The following ZNF219 variants were observed in gnomAD, a reference collection of about 807,000 sequenced individuals.
ZNF219 encodes zinc finger protein 219.
Under a neutral mutation model 54.4 loss-of-function variants are expected in ZNF219, and 17 were observed. That is an observed-to-expected ratio of 0.31 (90% CI 0.21 to 0.47). The LOEUF is 0.47. Among genes scored for constraint, ZNF219 ranks in the 20% least tolerant of loss-of-function variants. ZNF219 has a pLI of 1.00. For missense variants in ZNF219, 1,014 were observed against 1,062.3 expected (o/e 0.95, Z 0.63); for synonymous variants, 518 against 476.4 (o/e 1.09, Z -1.14).
At position 21,093,233 on chromosome 14, in the gene ZNF219, C is replaced by G. The variant is rs776752996; in HGVS notation, c.64G>C (p.Gly22Arg). Reference protein sequence around the residue: ...HLAPSPPAFDGELDLQRYSNG... With the variant: ...HLAPSPPAFDRELDLQRYSNG... ...GAGTATCGCTGCAGATCCAGCTCGCCGTCGAAAGCCGGCGGCGACGGCGCT... is the reference window on the plus strand; with the variant it reads ...GAGTATCGCTGCAGATCCAGCTCGCGGTCGAAAGCCGGCGGCGACGGCGCT... The change falls in exon 3 of 5, where the codon GGC becomes CGC. Residue 22 changes from glycine (G) to arginine (R), a missense_variant. Around this residue, in one of 5 missense-constraint regions of ZNF219, gnomAD observed 395 missense variants for 415.1 expected, o/e 0.95. Transcript: ENST00000360947. 6.2e-7 allele frequency: 1 copy of G among 1,601,676 alleles called. No individual in the cohort carries two copies. Among genetic ancestry groups the G allele is most frequent in the South Asian group, 1.1e-5 (1 of 90,876 alleles).
At chr14:21,101,421 C>A (rs1889623441), upstream of ZNF219, 4 of 1,551,656 alleles carry the variant, frequency 2.6e-6, no homozygotes, top group Non-Finnish European at 2.6e-6. Context: ...GGGCAAGGCA[C>A]AGGCAGAGTG....
Position 21,090,546 on chromosome 14 carries a change from T to C in ZNF219, c.2159A>G (p.Gln720Arg). ...GCCCCTGAGGGCCCACTACCGTTCT[T>C]GCCCCCCCAGCCCTGCCTCTCCGGG... ...SRPGEAGLGG[Q>R]ER Residue 720 changes from glutamine (Q) to arginine (R), a missense_variant, in exon 5 of 5, where the codon CAA (glutamine) becomes CGA (arginine). Physicochemically the swap from Gln to Arg is conservative, Grantham distance 43. Transcript: ENST00000360947. The surrounding 1 kb of genome is among the most constrained non-coding windows in gnomAD (Gnocchi z 4.4). 6.3e-7 allele frequency: 1 copy of C among 1,595,122 alleles called. No homozygotes were observed. The highest frequency in any genetic ancestry group is 8.6e-7 in the Non-Finnish European group (1 of 1,167,866).
chr14:21,102,888 A>G (rs1193159335), upstream of ZNF219: 7 of 1,450,612 alleles, frequency 4.8e-6, no homozygotes, highest in Non-Finnish European at 6.4e-6. Flanking sequence ...GAGAGAAAAG[A>G]AGAGGTCCTA....
chr14:21,103,171 G>T (rs1428356436), upstream of ZNF219: 1 of 1,551,684 alleles, frequency 6.4e-7, no homozygotes, highest in Non-Finnish European at 8.7e-7. Context: ...TTCCTGGTTT[G>T]GAGAATGGTC....
At chr14:21,091,842 G>C in intron 3 of ZNF219, 23 bp downstream of exon 3, 1 of 1,494,968 alleles carries the variant, frequency 6.7e-7, no homozygotes, top group Non-Finnish European at 8.9e-7. Flanking sequence ...GGCGTACCCG[G>C]AGAGCGGAGG....
chr14:21,101,046 C>T, upstream of ZNF219: 2 of 293,668 alleles, frequency 6.8e-6, no homozygotes, highest in East Asian at 8.1e-5. Flanking sequence ...TTCATAGAAA[C>T]CTTTGCCCCA....
chr14:21,094,311 G>A, intron 1 of ZNF219: 7 of 451,750 alleles, frequency 1.5e-5, no homozygotes, highest in South Asian at 1.1e-4. Context: ...AGAGGGAGAG[G>A]GAATGAAGAG....
rs755206602 is a variant in ZNF219, at chr14:21,091,146, G to T, written c.1565-6C>A. ...ACACTTGTAGGGCCGCTCGCCTGGG[G>T]AGAGTGGGTGCGATAGGGTCACGGG... On this transcript the variant is annotated splice_region_variant and splice_polypyrimidine_tract_variant and intron_variant, in intron 4 of 4. Coordinates refer to ENST00000360947, the MANE Select transcript of ZNF219 (RefSeq NM_016423.3). The T allele has an allele frequency of 1.9e-6, 3 of 1,594,704 alleles. No individual in the cohort carries two copies. Among genetic ancestry groups the T allele is most frequent in the African/African-American group, 2.7e-5 (2 of 74,648 alleles).
intron 3 of ZNF219, 146 bp downstream of exon 3, chr14:21,091,719 C>T: frequency 6.9e-7 from 1 of 1,441,408 alleles, no homozygotes; most frequent in Middle Eastern, 2.6e-4. Flanking sequence ...GATGGCAAAG[C>T]CTCCAGGAAA....
upstream of ZNF219, chr14:21,098,676 G>C (rs930865918): frequency 4.2e-5 from 43 of 1,024,078 alleles, no homozygotes; most frequent in Non-Finnish European, 5.0e-5. Flanking sequence ...GTCGGAGGGA[G>C]GGAGGAAGGG....
chr14:21,102,504 G>A, upstream of ZNF219: 1 of 1,551,758 alleles, frequency 6.4e-7, no homozygotes, highest in Admixed American at 2.0e-5. Flanking sequence ...TGCCCCAACT[G>A]CCTCCTCCCA....
At chr14:21,101,061 A>C, upstream of ZNF219, 1 of 315,850 alleles carries the variant, frequency 3.2e-6, no homozygotes, top group Non-Finnish European at 6.1e-6. Context: ...GCCCCACCAC[A>C]CCCCATCCCT....
Position 21,094,228 on chromosome 14 carries a change from G to A in ZNF219, c.-83-554C>T, listed in dbSNP as rs376394244. Among the ~76,000 whole-genome samples, 22 of 152,246 alleles carry A rather than the reference G, an allele frequency of 1.4e-4. No homozygotes were observed. The East Asian group carries it at 3.7e-3, about 25-fold the overall frequency. ...TCATTACAGAGACTCATTCATGCATGGGAGAGAAACACCTCCCAGCAGCAG... is the reference window on the plus strand; with the variant it reads ...TCATTACAGAGACTCATTCATGCATAGGAGAGAAACACCTCCCAGCAGCAG... On this transcript the variant is annotated intron_variant, in intron 1 of 4. Coordinates refer to ENST00000360947, the MANE Select transcript of ZNF219 (RefSeq NM_016423.3).
intron 2 of ZNF219, 48 bp downstream of exon 2, chr14:21,093,538 A>T: frequency 1.9e-6 from 3 of 1,587,870 alleles, no homozygotes; most frequent in Non-Finnish European, 2.6e-6. Context: ...CAGGAGAGGG[A>T]GTATACAGTT....
rs1013265382 is a variant in ZNF219 at position 21,092,269 on chromosome 14, G to A, written c.1028C>T (p.Ala343Val). 1.7e-5 allele frequency: 25 copies of A among 1,481,452 alleles called. No homozygotes were observed. Among genetic ancestry groups the A allele is most frequent in the East Asian group, 1.5e-4 (6 of 40,374 alleles). The allele number at this position is 1,481,452 out of a possible 1,614,324, so 91.8% of individuals were successfully genotyped here. A position where few individuals can be genotyped will look rare whatever the true frequency, so the allele number is the denominator to read the frequency against. The change falls in exon 3 of 5, where the codon GCC becomes GTC. Residue 343 changes from alanine to valine, a missense_variant. Physicochemically the swap from Ala to Val is moderately conservative, Grantham distance 64. This residue lies in a region of ZNF219 where 272 missense variants were observed against 248.9 expected (regional missense o/e 1.09). Coordinates refer to ENST00000360947, the MANE Select transcript of ZNF219 (RefSeq NM_016423.3). ...APGPASGPAR[A>V]PQPPDLGLLA... ...CAGGCCGAGGTCAGGAGGCTGGGGGGCGCGGGCAGGCCCGGAGGCAGGCCC... is the reference window on the plus strand; with the variant it reads ...CAGGCCGAGGTCAGGAGGCTGGGGGACGCGGGCAGGCCCGGAGGCAGGCCC...
At position 21,090,908 on chromosome 14, in the gene ZNF219, G is replaced by A. The variant is rs1012374587; in HGVS notation, c.1797C>T (p.Ser599=). 41 of 1,549,750 alleles carry A rather than the reference G, an allele frequency of 2.6e-5. No homozygotes were observed. Among genetic ancestry groups the A allele is most frequent in the Non-Finnish European group, 3.4e-5 (39 of 1,151,200 alleles). ...TCCGACGGGACCCCGGCCCAGCACC[G>A]CTAGAAGGAGGCCGGGGACTTGAGG... ...EGASSPRPPS[S]GAGPGSRRKP... is the part of the protein sequence containing the mutation. The change falls in exon 5 of 5, where the codon AGC becomes AGT. Residue 599 remains serine, a synonymous_variant. Transcript: ENST00000360947. The surrounding 1 kb of genome is among the most constrained non-coding windows in gnomAD (Gnocchi z 4.4).
At chr14:21,103,047 T>A, upstream of ZNF219, 1 of 1,539,714 alleles carries the variant, frequency 6.5e-7, no homozygotes, top group Non-Finnish European at 8.8e-7. Flanking sequence ...GGAAACAGGA[T>A]AGAAAATTGG....
Position 21,092,583 on chromosome 14 carries a change from G to GGGCTGGGGTGGA in ZNF219, c.702_713dup (p.Pro235_Pro238dup), listed in dbSNP as rs1889003138. 2 of 1,544,136 alleles carry GGGCTGGGGTGGA rather than the reference G, an allele frequency of 1.3e-6. No homozygotes were observed. The highest frequency in any genetic ancestry group is 2.8e-5 in the African/African-American group (2 of 71,924). The stretch of plus-strand genomic sequence containing the variant: ...CCGGCTGGGGGACTGATCTGGGTTC[G>GGGCTGGGGTGGA]GGCTGGGGTGGAGGCTGAGGCTGAG... On this transcript the variant is annotated inframe_insertion, in exon 3 of 5. Coordinates refer to ENST00000360947, the MANE Select transcript of ZNF219 (RefSeq NM_016423.3).
Position 21,098,540 on chromosome 14 carries a change from G to A in ZNF219, c.-312C>T. The stretch of plus-strand genomic sequence containing the variant: ...CGGCCATTAGCATGCGGGGGGCGGC[G>A]CGGCGGGGCTGGGAGCCGCGCGGGA... On this transcript the variant is annotated 5_prime_UTR_variant, in exon 1 of 5. Transcript: ENST00000360947. 1 of 986,526 alleles carries A rather than the reference G, an allele frequency of 1.0e-6. No individual in the cohort carries two copies. Among genetic ancestry groups the A allele is most frequent in the Non-Finnish European group, 1.2e-6 (1 of 830,900 alleles). 61.1% of individuals were successfully genotyped at this position (986,526 alleles called of 1,614,324 possible).
Sources: allele counts gnomAD v4.1 joint callset (sites outside exome capture counted in the v4.1 genomes callset), GRCh38; gene constraint gnomAD v4.1.1; regional missense constraint gnomAD v4.1.1; non-coding constraint Gnocchi (gnomAD v3.1); transcripts MANE v1.5; gene names NCBI Gene and HGNC (gene_info 2026-07-23, HGNC 2026-07-21).